Variants in ZFYVE28 observed in about 807,000 individuals in gnomAD.
The protein encoded by ZFYVE28 is lateral signaling target protein 2 homolog.
Under a neutral mutation model 82.1 loss-of-function variants are expected in ZFYVE28, and 40 were observed. That is an observed-to-expected ratio of 0.49 (90% confidence interval 0.38 to 0.63). ZFYVE28 has a LOEUF of 0.63. Ranked by LOEUF, ZFYVE28 falls within the 30% of genes least tolerant of loss-of-function variation. ZFYVE28 has a pLI of 0.00. For missense variants in ZFYVE28, 1,321 were observed against 1,242.1 expected, an observed-to-expected ratio of 1.06 and a Z score of -0.96; for synonymous variants, 612 against 546.1, an observed-to-expected ratio of 1.12 and a Z score of -1.68.
rs973778165 is a variant in ZFYVE28 at position 2,362,718 on chromosome 4, T to C, written c.40-8645A>G. Reference sequence around the variant, plus strand: ...ACTCCTGTGGTCCCAGGCACAGCCGTGCTGCCACACCCACCCCAATGTTAC... The same window carrying C: ...ACTCCTGTGGTCCCAGGCACAGCCGCGCTGCCACACCCACCCCAATGTTAC... On this transcript the variant is annotated intron_variant, in intron 1 of 12. Coordinates refer to ENST00000290974, the MANE Select transcript of ZFYVE28 (RefSeq NM_020972.3). This position sits in a 1 kb window ranked among gnomAD's most constrained non-coding sequence, Gnocchi z 5.1. 2.0e-5 allele frequency among the ~76,000 whole-genome samples: 3 copies of C among 152,262 alleles called. No individual in the cohort carries two copies. The East Asian group carries it at 5.8e-4, about 30-fold the overall frequency.
At chr4:2,286,880 A>G (rs776678498) in intron 8 of ZFYVE28, 1 of 152,030 alleles carries the variant, frequency 6.6e-6, no homozygotes, top group Non-Finnish European at 1.5e-5. Context: ...CCTTTTTTAG[A>G]AAAAGGTTGT....
chr4:2,287,445 G>C (rs1371142789), intron 8 of ZFYVE28: 7 of 152,276 alleles, frequency 4.6e-5, no homozygotes, highest in Non-Finnish European at 5.9e-5. Context: ...AGCAGCCGTA[G>C]GATGGGCTGA....
Position 2,346,156 on chromosome 4 carries a change from G to A in ZFYVE28, c.181-4541C>T, listed in dbSNP as rs533802822. 6.0e-3 allele frequency among the ~76,000 whole-genome samples: 790 copies of A among 131,056 alleles called. 3 individuals carry two copies. Among genetic ancestry groups the A allele is most frequent in the South Asian group, 0.011 (45 of 4,072 alleles). The allele number at this position is 131,056 out of a possible 152,430, so 86.0% of individuals were successfully genotyped here. ...ATCCTGGCTAATACGGTGAAACCCC[G>A]TCTCTACTAAAAAAAAAAAAAAAAA... On this transcript the variant is annotated intron_variant, in intron 2 of 12. Transcript: ENST00000290974.
chr4:2,341,745 C>T lies in ZFYVE28; in HGVS notation c.181-130G>A. The stretch of plus-strand genomic sequence containing the variant: ...TATTAAAGTGATAGAGGAGGCTAGG[C>T]ACGGTGGCTCATGCCTATAATGCCA... On this transcript the variant is annotated intron_variant, in intron 2 of 12. Transcript: ENST00000290974. The surrounding 1 kb of genome is among the most constrained non-coding windows in gnomAD (Gnocchi z 4.5). 7.5e-7 allele frequency: 1 copy of T among 1,328,510 alleles called. No homozygotes were observed. Among genetic ancestry groups the T allele is most frequent in the Non-Finnish European group, 1.0e-6 (1 of 973,228 alleles). The allele number at this position is 1,328,510 out of a possible 1,614,324, so 82.3% of individuals were successfully genotyped here. A position where few individuals can be genotyped will look rare whatever the true frequency, so the allele number is the denominator to read the frequency against.
At chr4:2,315,002 C>A (rs1212311423) in intron 7 of ZFYVE28, among the ~76,000 whole-genome samples, 1 of 152,126 alleles carries the variant, frequency 6.6e-6, no homozygotes, top group African/African-American at 2.4e-5. Context: ...TCTCAAACTC[C>A]TGAGGTCAAG....
intron 1 of ZFYVE28, among the ~76,000 whole-genome samples, chr4:2,360,238 C>T (rs1295468797): frequency 1.3e-5 from 2 of 152,028 alleles, no homozygotes; most frequent in South Asian, 2.1e-4. Flanking sequence ...CCGCCCCACA[C>T]CATGCCATGA....
chr4:2,356,588 C>T (rs1725366812), intron 1 of ZFYVE28, among the ~76,000 whole-genome samples: 2 of 152,264 alleles, frequency 1.3e-5, no homozygotes, highest in Admixed American at 1.3e-4. Flanking sequence ...GAAGTAAACA[C>T]ATTCCCTCCA....
intron 1 of ZFYVE28, among the ~76,000 whole-genome samples, chr4:2,361,504 C>T (rs751894609): frequency 3.3e-5 from 5 of 152,168 alleles, no homozygotes; most frequent in Admixed American, 2.0e-4. Context: ...GGCTGGCCAC[C>T]GGGCTCAGAG....
chr4:2,375,360 G>A (rs1728010652), intron 1 of ZFYVE28, among the ~76,000 whole-genome samples: 1 of 152,132 alleles, frequency 6.6e-6, no homozygotes, highest in East Asian at 1.9e-4. Flanking sequence ...CAATCAGCCG[G>A]GCCAGCATCG....
At chr4:2,361,390 C>G (rs1041895447) in intron 1 of ZFYVE28, among the ~76,000 whole-genome samples, 1 of 152,140 alleles carries the variant, frequency 6.6e-6, no homozygotes, top group African/African-American at 2.4e-5. Context: ...GTGGGAGGTG[C>G]GGGTTGGAGG....
chr4:2,379,812 G>C (rs1319794881), intron 1 of ZFYVE28, among the ~76,000 whole-genome samples: 1 of 151,394 alleles, frequency 6.6e-6, no homozygotes, highest in Admixed American at 6.6e-5. Flanking sequence ...TTTTGAGACA[G>C]AGTCTTTCTC....
intron 8 of ZFYVE28, among the ~76,000 whole-genome samples, chr4:2,291,265 G>A (rs143397424): frequency 1.2e-4 from 18 of 152,334 alleles, no homozygotes; most frequent in Admixed American, 5.9e-4. Context: ...AGTGAAGGTG[G>A]GAGGAGATGC....
At chr4:2,348,661 G>A (rs574345912) in intron 2 of ZFYVE28, among the ~76,000 whole-genome samples, 1 of 152,262 alleles carries the variant, frequency 6.6e-6, no homozygotes, top group Non-Finnish European at 1.5e-5. Flanking sequence ...TGCTCTTCCT[G>A]GACCAAATAA....
chr4:2,281,597 C>T (rs1465897983), intron 8 of ZFYVE28, among the ~76,000 whole-genome samples: 1 of 152,212 alleles, frequency 6.6e-6, no homozygotes, highest in Non-Finnish European at 1.5e-5. Context: ...TAACATCAAT[C>T]CGCTCAGGAG....
Position 2,320,201 on chromosome 4 carries a change from G to T in ZFYVE28, c.772C>A (p.Arg258=), listed in dbSNP as rs1227955666. 2 of 1,600,838 alleles carry T rather than the reference G, an allele frequency of 1.2e-6. No homozygotes were observed. The highest frequency in any genetic ancestry group is 1.7e-6 in the Non-Finnish European group (2 of 1,172,362). The change falls in exon 7 of 13, where the codon CGG becomes AGG. Residue 258 remains arginine (R), a synonymous_variant. Transcript: ENST00000290974. This position sits in a 1 kb window ranked among gnomAD's most constrained non-coding sequence, Gnocchi z 5.1. The stretch of plus-strand genomic sequence containing the variant: ...TTCCGCAGCAACGTGTGGAAGGGCC[G>T]GAACAGCTCGGACATGTCTTCCACC... ...RKVEDMSELF[R]PFHTLLRKIR... is the part of the protein sequence containing the mutation.
rs1278689296 is a variant in ZFYVE28, at chr4:2,304,913, G to A, written c.1427C>T (p.Thr476Ile). ...EGTDGASLAG[T>I]SSCSCLDSRL... ...CGAGTCCAGGCAGCTGCAGGAGCTG[G>A]TGCCCGCGAGGCTGGCCCCATCTGT... is the stretch of plus-strand genomic sequence containing the variant. Residue 476 changes from threonine (T) to isoleucine (I), a missense_variant, in exon 8 of 13, where the codon ACC becomes ATC. Physicochemically the swap from Thr to Ile is moderately conservative, Grantham distance 89 (BLOSUM62 -1). Transcript: ENST00000290974. 1 of 1,612,696 alleles carries A rather than the reference G, an allele frequency of 6.2e-7. No homozygotes were observed. The highest frequency in any genetic ancestry group is 1.7e-5 in the Admixed American group (1 of 60,028).
intron 7 of ZFYVE28, among the ~76,000 whole-genome samples, chr4:2,307,475 T>C (rs192815252): frequency 2.0e-5 from 3 of 152,266 alleles, no homozygotes; most frequent in Non-Finnish European, 4.4e-5. Context: ...ATGTTCTCCT[T>C]GATATTTTCC....
intron 1 of ZFYVE28, among the ~76,000 whole-genome samples, chr4:2,400,584 G>A (rs1282163802): frequency 6.6e-6 from 1 of 152,134 alleles, no homozygotes; most frequent in Non-Finnish European, 1.5e-5. Flanking sequence ...AGTTCATTAA[G>A]TATTAACTCA....
chr4:2,416,807 C>CCCCT lies in ZFYVE28; in HGVS notation c.39+1477_39+1478insAGGG, dbSNP rs10682316. Among the ~76,000 whole-genome samples, 31 of 150,760 alleles carry CCCCT rather than the reference C, an allele frequency of 2.1e-4. No homozygotes were observed. The highest frequency in any genetic ancestry group is 3.4e-3 in the Middle Eastern group (1 of 294). On this transcript the variant is annotated intron_variant, in intron 1 of 12. Transcript: ENST00000290974. This position sits in a 1 kb window ranked among gnomAD's most constrained non-coding sequence, Gnocchi z 4.6. ...ACGCCACAGGAACCCTGAATCCCCC[C>CCCCT]GAGTCCCCTCCCAATCAAGCCAAGG...
Sources: allele counts gnomAD v4.1 joint callset (sites outside exome capture counted in the v4.1 genomes callset), GRCh38; gene constraint gnomAD v4.1.1; non-coding constraint Gnocchi (gnomAD v3.1); transcripts MANE v1.5; gene names NCBI Gene and HGNC (gene_info 2026-07-23, HGNC 2026-07-21).